ROR1: variants seen among roughly 807,000 people sequenced by gnomAD.
The protein encoded by ROR1 is inactive tyrosine-protein kinase transmembrane receptor ROR1.
ROR1 carries 19 observed loss-of-function variants against 78.8 expected under a neutral mutation model. The observed-to-expected ratio is 0.24, with a 90% confidence interval of 0.17 to 0.35. ROR1 has a LOEUF of 0.35. Ranked by LOEUF, ROR1 falls within the 10% of genes least tolerant of loss-of-function variation. The pLI is 1.00. For missense variants in ROR1, 917 were observed against 1,177.8 expected (o/e 0.78, Z 3.24); for synonymous variants, 386 against 433.6 (o/e 0.89, Z 1.36).
At chr1:63,827,214 A>C (rs1644959112) in intron 1 of ROR1, among the ~76,000 whole-genome samples, 1 of 151,866 alleles carries the variant, frequency 6.6e-6, no homozygotes. Context: ...AGTTTGTGAA[A>C]ATTTTCTCCC....
intron 4 of ROR1, among the ~76,000 whole-genome samples, chr1:64,124,870 G>C (rs57082090): frequency 0.021 from 3,255 of 152,298 alleles, 111 homozygotes; most frequent in African/African-American, 0.074. Context: ...ATGATTTGCA[G>C]TTCATATTGA....
chr1:63,998,892 T>C (rs528828697), intron 1 of ROR1, among the ~76,000 whole-genome samples: 19 of 152,344 alleles, frequency 1.2e-4, no homozygotes, highest in African/African-American at 4.3e-4. Context: ...TCCCCTGTAC[T>C]GTTCTTGTGG....
At chr1:64,164,014 A>G (rs1650017889) in intron 8 of ROR1, among the ~76,000 whole-genome samples, 1 of 149,710 alleles carries the variant, frequency 6.7e-6, no homozygotes, top group Non-Finnish European at 1.5e-5. Context: ...AGCCTTTGAT[A>G]TTCTTAACCA....
chr1:63,807,988 G>A (rs1024615838), intron 1 of ROR1, among the ~76,000 whole-genome samples: 3 of 152,080 alleles, frequency 2.0e-5, no homozygotes, highest in African/African-American at 7.2e-5. Flanking sequence ...ATTATTATTA[G>A]TGGTAGTTGT....
intron 1 of ROR1, among the ~76,000 whole-genome samples, chr1:63,894,973 A>G (rs1320962393): frequency 6.6e-6 from 1 of 152,196 alleles, no homozygotes; most frequent in African/African-American, 2.4e-5. Context: ...TCAGTCTAGA[A>G]AAACTCCTGG....
At chr1:63,983,247 A>G (rs74078168) in intron 1 of ROR1, among the ~76,000 whole-genome samples, 4,937 of 152,066 alleles carry the variant, frequency 0.032, 269 homozygotes, top group African/African-American at 0.11. Flanking sequence ...GAAGTCCGGA[A>G]GACTCAGTGT....
intron 1 of ROR1, among the ~76,000 whole-genome samples, chr1:63,785,077 C>T (rs374279978): frequency 4.3e-4 from 65 of 152,280 alleles, no homozygotes; most frequent in African/African-American, 1.4e-3. Flanking sequence ...ATCCTAGATA[C>T]CCTGGAAAGG....
At chr1:63,868,773 C>T (rs1645232810) in intron 1 of ROR1, among the ~76,000 whole-genome samples, 1 of 152,202 alleles carries the variant, frequency 6.6e-6, no homozygotes, top group African/African-American at 2.4e-5. Flanking sequence ...GGGCACATGC[C>T]TCTGCACTGA....
intron 1 of ROR1, among the ~76,000 whole-genome samples, chr1:63,801,561 T>C (rs1644797629): frequency 6.6e-6 from 1 of 152,176 alleles, no homozygotes. Context: ...TCCCAAAGTG[T>C]TGGGATTACA....
At chr1:64,066,638 T>C (rs1646958677) in intron 4 of ROR1, 1 of 152,338 alleles carries the variant, frequency 6.6e-6, no homozygotes, top group Non-Finnish European at 1.5e-5. Flanking sequence ...AGCCACATTT[T>C]TTAAAGGCTA....
At chr1:64,147,981 C>G (rs550599708) in intron 7 of ROR1, among the ~76,000 whole-genome samples, 1 of 152,294 alleles carries the variant, frequency 6.6e-6, no homozygotes, top group East Asian at 1.9e-4. Flanking sequence ...GTACCCAGAA[C>G]AGCCCACACA....
intron 2 of ROR1, among the ~76,000 whole-genome samples, chr1:64,036,759 C>A (rs1027172237): frequency 7.2e-5 from 11 of 152,352 alleles, no homozygotes; most frequent in African/African-American, 2.6e-4. Flanking sequence ...TAGCTTCCAG[C>A]AACAATCATG....
intron 2 of ROR1, among the ~76,000 whole-genome samples, chr1:64,016,557 G>A (rs1646521920): frequency 6.6e-6 from 1 of 151,894 alleles, no homozygotes; most frequent in Non-Finnish European, 1.5e-5. Flanking sequence ...AACAATTGCT[G>A]GAACCTTAGG....
At chr1:64,176,259 T>C (rs1236127966) in intron 8 of ROR1, among the ~76,000 whole-genome samples, 1 of 152,208 alleles carries the variant, frequency 6.6e-6, no homozygotes, top group East Asian at 1.9e-4. Context: ...CCAATAAGAT[T>C]TCCCTTGAAA....
At chr1:63,931,213 C>T (rs182871920) in intron 1 of ROR1, among the ~76,000 whole-genome samples, 7 of 152,236 alleles carry the variant, frequency 4.6e-5, no homozygotes, top group Admixed American at 3.3e-4. Context: ...ACCTGGGAGG[C>T]GGAGGTTGCA....
At chr1:64,043,738 C>G (rs1646762496) in intron 2 of ROR1, among the ~76,000 whole-genome samples, 1 of 152,144 alleles carries the variant, frequency 6.6e-6, no homozygotes, top group Admixed American at 6.5e-5. Flanking sequence ...CTCTGCTGTT[C>G]AAAGGCGTGG....
At chr1:64,145,334 A>G (rs559961347) in intron 7 of ROR1, among the ~76,000 whole-genome samples, 2 of 152,332 alleles carry the variant, frequency 1.3e-5, no homozygotes, top group Non-Finnish European at 2.9e-5. Context: ...AATCCATAAG[A>G]AAAAGTTTTA....
At chr1:63,970,614 AG>A (rs1646111663) in intron 1 of ROR1, among the ~76,000 whole-genome samples, 1 of 152,200 alleles carries the variant, frequency 6.6e-6, no homozygotes, top group South Asian at 2.1e-4. Context: ...TTGGTATAAA[AG>A]GAATCATACA....
intron 7 of ROR1, among the ~76,000 whole-genome samples, chr1:64,149,971 TTCTC>T (rs545414496): frequency 6.6e-6 from 1 of 152,018 alleles, no homozygotes; most frequent in East Asian, 1.9e-4. Flanking sequence ...AAGACTTATG[TTCTC>T]TCTCTCTCTT....
Sources: allele counts gnomAD v4.1 joint callset (sites outside exome capture counted in the v4.1 genomes callset), GRCh38; gene constraint gnomAD v4.1.1; transcripts MANE v1.5; gene names NCBI Gene and HGNC (gene_info 2026-07-23, HGNC 2026-07-21).